Variants in CIPC observed in about 807,000 individuals in gnomAD.
CIPC encodes the protein CLOCK interacting pacemaker, also known as CLOCK-interacting pacemaker.
CIPC carries 12 observed loss-of-function variants against 26.7 expected under a neutral mutation model. That is an observed-to-expected ratio of 0.45 (90% CI 0.29 to 0.73). The LOEUF (loss-of-function observed/expected upper bound fraction) is 0.73. CIPC is among the 30% of genes least tolerant of loss of function. The probability of loss-of-function intolerance (pLI) is 0.12; values close to 1 mark genes in which losing one functional copy is unlikely to be tolerated. For synonymous variants in CIPC, 170 were observed against 189.8 expected, an observed-to-expected ratio of 0.90 and a Z score of 0.86; for missense variants, 417 against 486.5, an observed-to-expected ratio of 0.86 and a Z score of 1.34.
intron 1 of CIPC, among the ~76,000 whole-genome samples, chr14:77,102,267 C>G (rs1886504510): frequency 6.6e-6 from 1 of 152,156 alleles, no homozygotes; most frequent in African/African-American, 2.4e-5. Flanking sequence ...TCGGACAAGA[C>G]AGGTCAGATA....
At chr14:77,103,248 AG>A (rs1218409052) in intron 1 of CIPC, among the ~76,000 whole-genome samples, 2 of 152,226 alleles carry the variant, frequency 1.3e-5, no homozygotes, top group Non-Finnish European at 2.9e-5. Flanking sequence ...TACGAGCAAG[AG>A]GGTTGCTTAT....
Position 77,114,175 on chromosome 14 carries a change from C to T in CIPC, c.1057C>T (p.Leu353=), listed in dbSNP as rs1566806777. 6.2e-7 allele frequency: 1 copy of T among 1,614,036 alleles called. No individual in the cohort carries two copies. The highest frequency in any genetic ancestry group is 1.3e-5 in the African/African-American group (1 of 74,938). Reference sequence around the variant, plus strand: ...GGCAACTCAGGTAGAACTAGACCAGCTAAAGGAGCAAACCCAGCTGTTTAT... The same window carrying T: ...GGCAACTCAGGTAGAACTAGACCAGTTAAAGGAGCAAACCCAGCTGTTTAT... ...NQATQVELDQ[L]KEQTQLFIEA... Residue 353 remains leucine (L), a synonymous_variant, in exon 4 of 4, where the codon CTA becomes TTA. Coordinates refer to ENST00000361786, the MANE Select transcript of CIPC (RefSeq NM_033426.3).
At chr14:77,103,142 G>A (rs753089952) in intron 1 of CIPC, among the ~76,000 whole-genome samples, 49 of 152,132 alleles carry the variant, frequency 3.2e-4, no homozygotes, top group African/African-American at 1.1e-3. Context: ...AGTTAGATAC[G>A]GGGCAAAATG....
At chr14:77,113,087 T>A (rs569402021) in intron 3 of CIPC, among the ~76,000 whole-genome samples, 1 of 152,348 alleles carries the variant, frequency 6.6e-6, no homozygotes, top group Admixed American at 6.5e-5. Flanking sequence ...AGATACACTT[T>A]GGTGTAAAGT....
intron 3 of CIPC, among the ~76,000 whole-genome samples, chr14:77,111,905 A>T (rs1886709350): frequency 6.6e-6 from 1 of 152,214 alleles, no homozygotes; most frequent in Non-Finnish European, 1.5e-5. Flanking sequence ...GCTGATTTCT[A>T]CTTCAAAAGA....
In CIPC at chr14:77,114,277, G is replaced by C; in HGVS notation, c.1159G>C (p.Gly387Arg). The C allele has an allele frequency of 6.2e-7, 1 of 1,613,600 alleles. No homozygotes were observed. The highest frequency in any genetic ancestry group is 8.5e-7 in the Non-Finnish European group (1 of 1,179,874). The change falls in exon 4 of 4, where the codon GGC becomes CGC. Residue 387 changes from glycine to arginine, a missense_variant. Physicochemically the swap from Gly to Arg is moderately radical, Grantham distance 125. Coordinates refer to ENST00000361786, the MANE Select transcript of CIPC (RefSeq NM_033426.3). ...ASLTPGSSNTGSDLEAFSDHP... is the reference protein window; with the variant it reads ...ASLTPGSSNTRSDLEAFSDHP... The stretch of plus-strand genomic sequence containing the variant: ...TTTAACACCTGGGTCCAGTAATACA[G>C]GCAGTGACCTAGAAGCATTCTCTGA...
chr14:77,112,873 G>C (rs1886732269), intron 3 of CIPC, among the ~76,000 whole-genome samples: 1 of 152,172 alleles, frequency 6.6e-6, no homozygotes, highest in South Asian at 2.1e-4. Flanking sequence ...ACCAAGCCCA[G>C]CTAATTTTTT....
Position 77,105,685 on chromosome 14 carries a change from A to C in CIPC, c.-24A>C. The C allele has an allele frequency of 6.2e-7, 1 of 1,609,706 alleles. No homozygotes were observed. Among genetic ancestry groups the C allele is most frequent in the Non-Finnish European group, 8.5e-7 (1 of 1,178,352 alleles). ...AGTCCAGATGAAAAGAGTACCAATG[A>C]ATCTGCCTCCAGCTGAATAAACCAT... On this transcript the variant is annotated 5_prime_UTR_variant, in exon 2 of 4. Transcript: ENST00000361786.
At chr14:77,107,584 GTCTA>G (rs1273594345) in intron 2 of CIPC, among the ~76,000 whole-genome samples, 1 of 151,634 alleles carries the variant, frequency 6.6e-6, no homozygotes, top group Non-Finnish European at 1.5e-5. Flanking sequence ...TACCCCATAT[GTCTA>G]TCTTTTTGCC....
intron 3 of CIPC, 56 bp downstream of exon 3, chr14:77,110,037 G>A (rs766211987): frequency 2.2e-4 from 338 of 1,528,386 alleles, no homozygotes; most frequent in Non-Finnish European, 2.7e-4. Flanking sequence ...CTTAGCTTCC[G>A]TGTATAAAGG....
chr14:77,111,286 T>C (rs1886695178), intron 3 of CIPC, among the ~76,000 whole-genome samples: 1 of 152,194 alleles, frequency 6.6e-6, no homozygotes, highest in African/African-American at 2.4e-5. Context: ...AGTAGGCTTT[T>C]CCAGCAGAGC....
intron 1 of CIPC, 63 bp from the exon 2 acceptor site, chr14:77,105,594 A>ACTGTTTGGATCAC: frequency 8.8e-7 from 1 of 1,133,972 alleles, no homozygotes; most frequent in African/African-American, 1.6e-5. Flanking sequence ...TACTTTATTC[A>ACTGTTTGGATCAC]CTGTTTGGAT....
chr14:77,104,917 G>T (rs377401626), intron 1 of CIPC, among the ~76,000 whole-genome samples: 79 of 152,324 alleles, frequency 5.2e-4, no homozygotes, highest in African/African-American at 1.8e-3. Context: ...ATTTTTAAAT[G>T]ATTGAATGTA....
chr14:77,107,387 G>A (rs1462707039), intron 2 of CIPC, among the ~76,000 whole-genome samples: 1 of 152,134 alleles, frequency 6.6e-6, no homozygotes, highest in Non-Finnish European at 1.5e-5. Flanking sequence ...CCAGAAAGTA[G>A]CCCCAGTGAA....
intron 1 of CIPC, chr14:77,099,080 A>T (rs1191130268): frequency 6.6e-6 from 1 of 152,476 alleles, no homozygotes; most frequent in African/African-American, 2.4e-5. Context: ...GGCTGGTGGT[A>T]TGCCAGTCAC....
chr14:77,108,995 A>G (rs1016872174), intron 2 of CIPC, among the ~76,000 whole-genome samples: 1 of 152,078 alleles, frequency 6.6e-6, no homozygotes, highest in Non-Finnish European at 1.5e-5. Context: ...CTCATCTCGT[A>G]TCTTCCCTGT....
At chr14:77,113,373 C>G in intron 3 of CIPC, 52 bp from the exon 4 acceptor site, 3 of 1,603,544 alleles carry the variant, frequency 1.9e-6, no homozygotes, top group Non-Finnish European at 2.6e-6. Flanking sequence ...CTTCACTCCT[C>G]TATCCTTTCA....
chr14:77,111,909 C>T (rs999107395), intron 3 of CIPC, among the ~76,000 whole-genome samples: 2 of 152,208 alleles, frequency 1.3e-5, no homozygotes, highest in Non-Finnish European at 2.9e-5. Context: ...ATTTCTACTT[C>T]AAAAGACCTC....
In CIPC at chr14:77,113,886, T is replaced by C. The variant is rs550396187; in HGVS notation, c.768T>C (p.Ser256=). The C allele has an allele frequency of 6.2e-7, 1 of 1,614,036 alleles. No homozygotes were observed. Among genetic ancestry groups the C allele is most frequent in the Non-Finnish European group, 8.5e-7 (1 of 1,180,044 alleles). ...GCAGTCACGTGGCTAAAGCTCCCAG[T>C]CTGACCTTCGCTTCCCCCGCCAGTC... ...VSSSHVAKAP[S]LTFASPASPV... is the part of the protein sequence containing the mutation. Residue 256 remains serine, a synonymous_variant, in exon 4 of 4, where the codon AGT becomes AGC. Coordinates refer to ENST00000361786, the MANE Select transcript of CIPC (RefSeq NM_033426.3).
Sources: gnomAD v4.1 joint callset for allele counts (sites outside exome capture counted in the v4.1 genomes callset) on GRCh38, gnomAD v4.1.1 for gene constraint, MANE v1.5 for transcripts, NCBI Gene and HGNC (gene_info 2026-07-23, HGNC 2026-07-21) for gene names.